The following STK33 variants were observed in gnomAD, a reference collection of about 807,000 sequenced individuals.
STK33 encodes serine/threonine kinase 33.
Under a neutral mutation model 58.0 loss-of-function variants are expected in STK33, and 52 were observed. That is an observed-to-expected ratio of 0.90 (90% CI 0.72 to 1.13). The LOEUF is 1.13. STK33 is among the 50% of genes most tolerant of loss of function. The pLI is 0.00. For missense variants in STK33, 630 were observed against 604.2 expected, an observed-to-expected ratio of 1.04 and a Z score of -0.45; for synonymous variants, 215 against 200.1, an observed-to-expected ratio of 1.07 and a Z score of -0.63.
intron 1 of STK33, among the ~76,000 whole-genome samples, chr11:8,497,270 C>T (rs928335047): frequency 5.9e-5 from 9 of 151,994 alleles, no homozygotes; most frequent in Non-Finnish European, 8.8e-5. Context: ...CTCTGAGTGG[C>T]ATAAACTCAA....
chr11:8,527,092 C>T (rs541191303), intron 1 of STK33, among the ~76,000 whole-genome samples: 8 of 151,486 alleles, frequency 5.3e-5, no homozygotes, highest in African/African-American at 1.9e-4. Context: ...CTGCCTCAGC[C>T]TGGGATTACA....
At chr11:8,517,376 G>A (rs7937850) in intron 1 of STK33, among the ~76,000 whole-genome samples, 1,846 of 152,244 alleles carry the variant, frequency 0.012, 38 homozygotes, top group African/African-American at 0.042. Flanking sequence ...ACACAAAGAT[G>A]GGGAGAAACC....
chr11:8,437,563 A>G (rs1472027172), intron 12 of STK33, among the ~76,000 whole-genome samples: 2 of 152,226 alleles, frequency 1.3e-5, no homozygotes, highest in Non-Finnish European at 2.9e-5. Flanking sequence ...TAATTTCATT[A>G]TACTTCCCAA....
At chr11:8,593,771 CAA>C (rs1253282896) in intron 1 of STK33, 1 of 152,264 alleles carries the variant, frequency 6.6e-6, no homozygotes, top group African/African-American at 2.4e-5. Flanking sequence ...TCTAAACTTT[CAA>C]AAAGTTTCAC....
intron 1 of STK33, among the ~76,000 whole-genome samples, chr11:8,491,278 C>G (rs1045137104): frequency 2.0e-5 from 3 of 152,064 alleles, no homozygotes; most frequent in African/African-American, 7.2e-5. Context: ...AACCATGGCG[C>G]AAGAACTACA....
intron 14 of STK33, among the ~76,000 whole-genome samples, chr11:8,427,783 G>A (rs1187342607): frequency 6.6e-6 from 1 of 151,928 alleles, no homozygotes; most frequent in Admixed American, 6.6e-5. Flanking sequence ...TACCTACTTG[G>A]TTCTGTTTTT....
chr11:8,431,189 G>T (rs990621208), intron 14 of STK33, among the ~76,000 whole-genome samples: 1 of 151,964 alleles, frequency 6.6e-6, no homozygotes, highest in African/African-American at 2.4e-5. Flanking sequence ...TTTATAGAAG[G>T]CTTCATTAGA....
chr11:8,430,586 T>C (rs946794009), intron 14 of STK33, among the ~76,000 whole-genome samples: 11 of 152,202 alleles, frequency 7.2e-5, no homozygotes, highest in Non-Finnish European at 1.6e-4. Flanking sequence ...ATAAGCTTGC[T>C]TAAAAGAATA....
At chr11:8,489,257 C>CA (rs377017514) in intron 1 of STK33, among the ~76,000 whole-genome samples, 26,090 of 63,596 alleles carry the variant, frequency 0.41, 3,751 homozygotes, top group East Asian at 0.59. Context: ...AAGCTATCTC[C>CA]AAAAAAAAAA....
intron 5 of STK33, among the ~76,000 whole-genome samples, chr11:8,473,768 T>C (rs1166115887): frequency 6.6e-6 from 1 of 152,202 alleles, no homozygotes; most frequent in Non-Finnish European, 1.5e-5. Context: ...GGAGAACATA[T>C]GAAGAAGGCA....
At chr11:8,513,919 A>G (rs1337953136) in intron 1 of STK33, among the ~76,000 whole-genome samples, 4 of 152,042 alleles carry the variant, frequency 2.6e-5, no homozygotes, top group Non-Finnish European at 2.9e-5. Flanking sequence ...TATTCATTCT[A>G]TTTTTTGTAC....
chr11:8,537,489 C>T (rs1955126763), intron 1 of STK33, among the ~76,000 whole-genome samples: 1 of 152,188 alleles, frequency 6.6e-6, no homozygotes, highest in South Asian at 2.1e-4. Flanking sequence ...AATTCCAACA[C>T]TTGTGTCATC....
intron 15 of STK33, among the ~76,000 whole-genome samples, chr11:8,412,989 A>T (rs1489057215): frequency 1.3e-5 from 2 of 152,260 alleles, no homozygotes; most frequent in African/African-American, 4.8e-5. Flanking sequence ...ATAAATTCAG[A>T]CACAAATAAC....
chr11:8,517,751 T>C (rs979742148), intron 1 of STK33, among the ~76,000 whole-genome samples: 2 of 151,914 alleles, frequency 1.3e-5, no homozygotes, highest in African/African-American at 2.4e-5. Flanking sequence ...TGATTGAACA[T>C]GAAATTAATG....
Position 8,517,578 on chromosome 11 carries a change from G to C in STK33, c.-465-36964C>G, listed in dbSNP as rs145541374. 6.1e-4 allele frequency among the ~76,000 whole-genome samples: 93 copies of C among 152,152 alleles called. 1 individual carries two copies. The highest frequency in any genetic ancestry group is 1.2e-3 in the Non-Finnish European group (84 of 68,020). On this transcript the variant is annotated intron_variant, in intron 1 of 15. Coordinates refer to ENST00000687296, the MANE Select transcript of STK33 (RefSeq NM_001352389.2). The stretch of plus-strand genomic sequence containing the variant: ...GGATGTTCAAACCCATTGCAAAGAA[G>C]CTAAAAACCTTGAAAAAAGATTAGA...
chr11:8,396,169 T>C (rs1849303957), intron 15 of STK33, among the ~76,000 whole-genome samples: 2 of 152,270 alleles, frequency 1.3e-5, no homozygotes, highest in African/African-American at 2.4e-5. Context: ...AATGACACAA[T>C]CTAGGCTCAC....
the STK33 span, among the ~76,000 whole-genome samples, chr11:8,383,940 C>T: frequency 6.6e-6 from 1 of 152,172 alleles, no homozygotes; most frequent in Admixed American, 6.5e-5. Flanking sequence ...GCTCTTTTCT[C>T]TCTATCCACC....
the STK33 span, among the ~76,000 whole-genome samples, chr11:8,347,038 T>G: frequency 6.6e-6 from 1 of 152,214 alleles, no homozygotes; most frequent in African/African-American, 2.4e-5. Context: ...TAATTAAAGA[T>G]AGCTCAGCCT....
At chr11:8,358,835 T>C in the STK33 span, among the ~76,000 whole-genome samples, 1 of 152,226 alleles carries the variant, frequency 6.6e-6, no homozygotes, top group African/African-American at 2.4e-5. Context: ...TCGTAATACC[T>C]TCCCACATAG....
Sources: allele counts gnomAD v4.1 joint callset (sites outside exome capture counted in the v4.1 genomes callset), GRCh38; gene constraint gnomAD v4.1.1; transcripts MANE v1.5; gene names NCBI Gene and HGNC (gene_info 2026-07-23, HGNC 2026-07-21).